Variants in LOC128462377 observed in about 807,000 individuals in gnomAD.
the LOC128462377 span, among the ~76,000 whole-genome samples, chr16:89,365,056 A>G: frequency 6.6e-6 from 1 of 152,214 alleles, no homozygotes; most frequent in Non-Finnish European, 1.5e-5. Flanking sequence ...ACAAGTCTGG[A>G]AGCCAAAATA....
At chr16:89,378,756 T>C in the LOC128462377 span, among the ~76,000 whole-genome samples, 1 of 151,422 alleles carries the variant, frequency 6.6e-6, no homozygotes, top group Non-Finnish European at 1.5e-5. Flanking sequence ...ATTTTTTGTC[T>C]GTGTATTTTA....
the LOC128462377 span, among the ~76,000 whole-genome samples, chr16:89,367,728 A>G: frequency 6.6e-6 from 1 of 152,124 alleles, no homozygotes. Context: ...AGCTCCACGC[A>G]TCCCATCCTG....
the LOC128462377 span, among the ~76,000 whole-genome samples, chr16:89,384,689 T>A: frequency 6.6e-6 from 1 of 152,022 alleles, no homozygotes; most frequent in Non-Finnish European, 1.5e-5. Flanking sequence ...ACAGAAAGAA[T>A]AGAACTCAAT....
At chr16:89,403,988 C>T in the LOC128462377 span, among the ~76,000 whole-genome samples, 4 of 152,124 alleles carry the variant, frequency 2.6e-5, no homozygotes, top group African/African-American at 7.2e-5. Context: ...GATTATAAAA[C>T]TAAAATAGGG....
chr16:89,378,668 C>T, the LOC128462377 span, among the ~76,000 whole-genome samples: 11 of 152,302 alleles, frequency 7.2e-5, no homozygotes, highest in African/African-American at 2.2e-4. Context: ...AGATTTCTGC[C>T]TCCTGGGTTC....
chr16:89,379,641 T>C, the LOC128462377 span, among the ~76,000 whole-genome samples: 1 of 152,188 alleles, frequency 6.6e-6, no homozygotes, highest in Non-Finnish European at 1.5e-5. Flanking sequence ...GCTCCACCAC[T>C]GCTCTCTGCC....
At chr16:89,415,477 G>A in the LOC128462377 span, among the ~76,000 whole-genome samples, 141 of 145,782 alleles carry the variant, frequency 9.7e-4, 2 homozygotes, top group Non-Finnish European at 1.2e-4. Context: ...TGTTAGCCAG[G>A]ATGGTCTTGA....
chr16:89,394,254 C>G, the LOC128462377 span, among the ~76,000 whole-genome samples: 2 of 152,210 alleles, frequency 1.3e-5, no homozygotes, highest in African/African-American at 4.8e-5. Flanking sequence ...AGTGGTCTCC[C>G]ATGTCCCTGG....
the LOC128462377 span, among the ~76,000 whole-genome samples, chr16:89,371,303 G>C: frequency 6.6e-6 from 1 of 152,200 alleles, no homozygotes; most frequent in African/African-American, 2.4e-5. Flanking sequence ...TCACAGAACA[G>C]AAACAAATAA....
the LOC128462377 span, among the ~76,000 whole-genome samples, chr16:89,391,227 CAAAAAAAA>C: frequency 1.0e-5 from 1 of 95,338 alleles, no homozygotes; most frequent in Non-Finnish European, 2.2e-5. Context: ...GACTCTGTCT[CAAAAAAAA>C]AAAAAAAAAA....
the LOC128462377 span, among the ~76,000 whole-genome samples, chr16:89,388,838 C>T: frequency 1.3e-5 from 2 of 152,164 alleles, no homozygotes. Context: ...GAATGATGAA[C>T]CCAAAACTGA....
chr16:89,413,642 A>T, the LOC128462377 span, among the ~76,000 whole-genome samples: 2 of 152,272 alleles, frequency 1.3e-5, no homozygotes, highest in South Asian at 4.1e-4. Flanking sequence ...AAAATAAAGG[A>T]AATGGAAGTG....
chr16:89,404,684 G>C, the LOC128462377 span, among the ~76,000 whole-genome samples: 4 of 152,342 alleles, frequency 2.6e-5, no homozygotes, highest in South Asian at 4.1e-4. Context: ...CCACAAAGTG[G>C]CATGTTCAAC....
chr16:89,385,028 G>A, the LOC128462377 span, among the ~76,000 whole-genome samples: 1 of 151,506 alleles, frequency 6.6e-6, no homozygotes, highest in Middle Eastern at 3.4e-3. Flanking sequence ...TGGAACTACA[G>A]GCACACACCA....
At chr16:89,397,226 G>C in the LOC128462377 span, among the ~76,000 whole-genome samples, 1 of 152,160 alleles carries the variant, frequency 6.6e-6, no homozygotes, top group Non-Finnish European at 1.5e-5. Flanking sequence ...ACCTGGGTGA[G>C]GGGAGCACGG....
At chr16:89,341,901 C>CTT in the LOC128462377 span, among the ~76,000 whole-genome samples, 1 of 133,204 alleles carries the variant, frequency 7.5e-6, no homozygotes, top group South Asian at 2.3e-4. Flanking sequence ...TGCACCTCCA[C>CTT]CCACAGCGGC....
chr16:89,406,904 C>G, the LOC128462377 span, among the ~76,000 whole-genome samples: 4 of 152,174 alleles, frequency 2.6e-5, no homozygotes, highest in African/African-American at 9.7e-5. Flanking sequence ...TCAGGCCGGA[C>G]GTGGTGGCTC....
At chr16:89,324,268 C>T in the LOC128462377 span, 2 of 1,240,858 alleles carry the variant, frequency 1.6e-6, no homozygotes, top group African/African-American at 1.5e-5. Flanking sequence ...GTGGAACATA[C>T]AGGAGCCCCG....
chr16:89,347,392 G>A, the LOC128462377 span, among the ~76,000 whole-genome samples: 1 of 152,116 alleles, frequency 6.6e-6, no homozygotes, highest in Non-Finnish European at 1.5e-5. Context: ...GGCGGATCAC[G>A]AGGTCAGGAG....
Sources: gnomAD v4.1 joint callset for allele counts (sites outside exome capture counted in the v4.1 genomes callset) on GRCh38, gnomAD v4.1.1 for gene constraint, MANE v1.5 for transcripts.